NR5A2: variants seen among roughly 807,000 people sequenced by gnomAD.
NR5A2 encodes the protein CYP7A promoter-binding factor.
In NR5A2, 26 loss-of-function variants were observed where a neutral mutation model predicts 62.7. That is an observed-to-expected ratio of 0.41 (90% confidence interval 0.30 to 0.58). The LOEUF is 0.58. Among genes scored for constraint, NR5A2 ranks in the 20% least tolerant of loss-of-function variants. NR5A2 has a pLI of 0.22. For synonymous variants in NR5A2, 246 were observed against 241.7 expected, an observed-to-expected ratio of 1.02 and a Z score of -0.16; for missense variants, 541 against 669.1, an observed-to-expected ratio of 0.81 and a Z score of 2.11.
At chr1:200,151,378 A>G (rs1026108632) in intron 7 of NR5A2, among the ~76,000 whole-genome samples, 3 of 152,178 alleles carry the variant, frequency 2.0e-5, no homozygotes, top group African/African-American at 7.2e-5. Flanking sequence ...CCTCCCATGA[A>G]ACATTGTGCT....
rs1174758738 is a variant in NR5A2, at chr1:200,175,779, G to T, written c.*1569G>T. 1 of 152,408 alleles carries T rather than the reference G, an allele frequency of 6.6e-6. No homozygotes were observed. The allele number at this position is 152,408 out of a possible 1,614,324, so 9.4% of individuals were successfully genotyped here. On this transcript the variant is annotated 3_prime_UTR_variant, in exon 8 of 8. Transcript: ENST00000367362. Reference sequence around the variant, plus strand: ...TCGTGAGACACTAAAATCAAAAACGGGAATCTCATTTAGACTTTAATTTTT... The same window carrying T: ...TCGTGAGACACTAAAATCAAAAACGTGAATCTCATTTAGACTTTAATTTTT...
At chr1:200,122,348 CTAAT>C (rs1666516222) in intron 7 of NR5A2, among the ~76,000 whole-genome samples, 1 of 152,082 alleles carries the variant, frequency 6.6e-6, no homozygotes, top group Non-Finnish European at 1.5e-5. Flanking sequence ...CATTTGATCA[CTAAT>C]TAAATGGAAA....
intron 1 of NR5A2, among the ~76,000 whole-genome samples, chr1:200,034,263 G>C (rs949161699): frequency 3.3e-5 from 5 of 152,232 alleles, no homozygotes; most frequent in Admixed American, 2.6e-4. Flanking sequence ...TGATTCCAAT[G>C]GATGGAGTCC....
At chr1:200,044,453 A>G (rs971138886) in intron 3 of NR5A2, 1 of 152,076 alleles carries the variant, frequency 6.6e-6, no homozygotes, top group Non-Finnish European at 1.5e-5. Flanking sequence ...TTATAAATAT[A>G]TGACCTATTT....
At chr1:200,128,407 T>C (rs573985797) in intron 7 of NR5A2, among the ~76,000 whole-genome samples, 1 of 152,372 alleles carries the variant, frequency 6.6e-6, no homozygotes, top group African/African-American at 2.4e-5. Flanking sequence ...CTCACAGCTT[T>C]GGTACCTCTT....
chr1:200,071,586 T>A (rs1018633321), intron 5 of NR5A2, among the ~76,000 whole-genome samples: 1 of 152,264 alleles, frequency 6.6e-6, no homozygotes, highest in African/African-American at 2.4e-5. Flanking sequence ...TTTTGCTGAA[T>A]CTTTTGGTTT....
At chr1:200,051,125 G>T (rs1409307069) in intron 5 of NR5A2, among the ~76,000 whole-genome samples, 1 of 151,722 alleles carries the variant, frequency 6.6e-6, no homozygotes, top group East Asian at 1.9e-4. Context: ...TTGGGTATAA[G>T]GTAAAAACAA....
Position 200,060,349 on chromosome 1 carries a change from C to T in NR5A2, c.1110+11531C>T, listed in dbSNP as rs188169118. On this transcript the variant is annotated intron_variant, in intron 5 of 7. Transcript: ENST00000367362. ...GAATGGGTGGAGCAGGCAAGAGAAA[C>T]GGTTAAATAGACCCCAGAGAAGGGC... is the stretch of plus-strand genomic sequence containing the variant. 7.9e-5 allele frequency among the ~76,000 whole-genome samples: 12 copies of T among 152,240 alleles called. No homozygotes were observed. In the East Asian group the frequency reaches 9.7e-4, roughly 12 times the overall value.
chr1:200,106,387 G>A (rs1665669333), intron 5 of NR5A2, among the ~76,000 whole-genome samples: 2 of 152,174 alleles, frequency 1.3e-5, no homozygotes, highest in African/African-American at 4.8e-5. Flanking sequence ...AAAAGTACAA[G>A]TTTCTAATGA....
At chr1:200,143,988 T>C (rs1667560457) in intron 7 of NR5A2, among the ~76,000 whole-genome samples, 1 of 152,140 alleles carries the variant, frequency 6.6e-6, no homozygotes, top group Non-Finnish European at 1.5e-5. Flanking sequence ...CTGCTCTGTT[T>C]GTGACAGAGA....
At chr1:200,123,993 G>T (rs933546854) in intron 7 of NR5A2, among the ~76,000 whole-genome samples, 1 of 151,638 alleles carries the variant, frequency 6.6e-6, no homozygotes, top group African/African-American at 2.4e-5. Flanking sequence ...TAGTAGAGAC[G>T]GGGTTTCTCC....
chr1:200,129,472 T>C (rs1666868902), intron 7 of NR5A2, among the ~76,000 whole-genome samples: 1 of 152,248 alleles, frequency 6.6e-6, no homozygotes, highest in African/African-American at 2.4e-5. Flanking sequence ...TCTCCTTGTC[T>C]GTTTTTCTTT....
At chr1:200,097,299 A>G (rs1384571792) in intron 5 of NR5A2, among the ~76,000 whole-genome samples, 1 of 152,074 alleles carries the variant, frequency 6.6e-6, no homozygotes, top group East Asian at 1.9e-4. Flanking sequence ...CCAGAATATT[A>G]TTCCTACTGT....
Position 200,129,493 on chromosome 1 carries a change from C to T in NR5A2, c.1378+8538C>T, listed in dbSNP as rs538411354. Among the ~76,000 whole-genome samples the T allele has an allele frequency of 1.4e-4, 21 of 152,272 alleles. No homozygotes were observed. The East Asian group carries it at 4.1e-3, about 29-fold the overall frequency. ...TGTCTGTTTTTCTTTAAAAGAGGAC[C>T]CTTCCTTTTTGTCCGATAGGAAGTA... On this transcript the variant is annotated intron_variant, in intron 7 of 7. Coordinates refer to ENST00000367362, the MANE Select transcript of NR5A2 (RefSeq NM_205860.3).
intron 5 of NR5A2, among the ~76,000 whole-genome samples, chr1:200,064,391 AC>A (rs1415209964): frequency 1.3e-5 from 2 of 152,208 alleles, no homozygotes; most frequent in Non-Finnish European, 2.9e-5. Context: ...CCCATAGACA[AC>A]AAGGTGAGAG....
At chr1:200,070,763 C>A (rs1393368929) in intron 5 of NR5A2, among the ~76,000 whole-genome samples, 1 of 150,352 alleles carries the variant, frequency 6.7e-6, no homozygotes, top group Non-Finnish European at 1.5e-5. Flanking sequence ...CCATCCCCCC[C>A]ACCAAATATA....
intron 7 of NR5A2, among the ~76,000 whole-genome samples, chr1:200,135,069 T>G (rs1667149567): frequency 6.6e-6 from 1 of 152,226 alleles, no homozygotes; most frequent in Admixed American, 6.5e-5. Flanking sequence ...TTTAGTGATT[T>G]TATAATACAA....
rs150346954 is a variant in NR5A2, at chr1:200,066,993, C to T, written c.1110+18175C>T. On this transcript the variant is annotated intron_variant, in intron 5 of 7. Transcript: ENST00000367362. Reference sequence around the variant, plus strand: ...TGGACCTGTCAATAGAGATGGAACACGTGGCTACCCCTTGCTTCATCATAA... The same window carrying T: ...TGGACCTGTCAATAGAGATGGAACATGTGGCTACCCCTTGCTTCATCATAA... Among the ~76,000 whole-genome samples, 999 of 152,346 alleles carry T rather than the reference C, an allele frequency of 6.6e-3. 1 individual carries two copies. Among genetic ancestry groups the T allele is most frequent in the Non-Finnish European group, 0.01 (687 of 68,040 alleles).
At chr1:200,105,046 C>T (rs1665581310) in intron 5 of NR5A2, among the ~76,000 whole-genome samples, 1 of 151,874 alleles carries the variant, frequency 6.6e-6, no homozygotes, top group Non-Finnish European at 1.5e-5. Context: ...GCAATCTTTA[C>T]CTGCTGGGCT....
Sources: gnomAD v4.1 joint callset for allele counts (sites outside exome capture counted in the v4.1 genomes callset) on GRCh38, gnomAD v4.1.1 for gene constraint, MANE v1.5 for transcripts, NCBI Gene and HGNC (gene_info 2026-07-23, HGNC 2026-07-21) for gene names.